The following LARP4B variants were observed in gnomAD, a reference collection of about 807,000 sequenced individuals.
The protein encoded by LARP4B is La ribonucleoprotein 4B.
In LARP4B, 12 loss-of-function variants were observed where a neutral mutation model predicts 89.8. The ratio of observed to expected loss-of-function variants is 0.13; its 90% confidence interval spans 0.09 to 0.22. The LOEUF (loss-of-function observed/expected upper bound fraction) is 0.22. Ranked by LOEUF, LARP4B falls within the 10% of genes least tolerant of loss-of-function variation. The pLI, the probability that LARP4B is intolerant of heterozygous loss-of-function variation, is 1.00. For synonymous variants in LARP4B, 367 were observed against 363.3 expected, an observed-to-expected ratio of 1.01 and a Z score of -0.12; for missense variants, 757 against 947.7, an observed-to-expected ratio of 0.80 and a Z score of 2.64.
the LARP4B span, chr10:986,296 C>A: frequency 6.6e-6 from 1 of 152,220 alleles, no homozygotes; most frequent in Admixed American, 6.5e-5. Context: ...CTTTCTGTCA[C>A]AAGGTACACA....
chr10:890,273 T>A (rs770474007), intron 1 of LARP4B, among the ~76,000 whole-genome samples: 25 of 152,150 alleles, frequency 1.6e-4, no homozygotes, highest in Non-Finnish European at 2.9e-4. Context: ...TCAAAGGCAA[T>A]CTCATCCAAT....
the LARP4B span, among the ~76,000 whole-genome samples, chr10:963,364 G>T: frequency 2.6e-5 from 4 of 152,136 alleles, no homozygotes; most frequent in African/African-American, 9.7e-5. Flanking sequence ...TATCCACCAC[G>T]CTGCTATTCC....
At chr10:851,791 GCAGTGGCT>G (rs1834063834) in intron 5 of LARP4B, among the ~76,000 whole-genome samples, 1 of 152,172 alleles carries the variant, frequency 6.6e-6, no homozygotes, top group Non-Finnish European at 1.5e-5. Context: ...CAGGTGGGAC[GCAGTGGCT>G]CATGCTTGTA....
chr10:812,535 G>A lies in LARP4B; in HGVS notation c.*391C>T, dbSNP rs1458011725. On this transcript the variant is annotated 3_prime_UTR_variant, in exon 18 of 18. Coordinates refer to ENST00000316157, the MANE Select transcript of LARP4B (RefSeq NM_015155.3). Reference sequence around the variant, plus strand: ...TCTAGAGATATGCACTTACAGACCAGTTACTTAAAAAAAAAAAAAAAAAGC... The same window carrying A: ...TCTAGAGATATGCACTTACAGACCAATTACTTAAAAAAAAAAAAAAAAAGC... The A allele has an allele frequency of 8.0e-6, 1 of 124,724 alleles. No homozygotes were observed. The highest frequency in any genetic ancestry group is 2.9e-5 in the African/African-American group (1 of 34,336). 7.7% of individuals were successfully genotyped at this position (124,724 alleles called of 1,614,324 possible).
intron 6 of LARP4B, among the ~76,000 whole-genome samples, chr10:844,269 T>C (rs987768852): frequency 2.6e-5 from 4 of 152,232 alleles, no homozygotes; most frequent in Admixed American, 6.5e-5. Context: ...CCTGCACCTT[T>C]TGCGTCTACC....
intron 13 of LARP4B, among the ~76,000 whole-genome samples, chr10:821,254 A>G (rs1435696916): frequency 6.6e-6 from 1 of 152,182 alleles, no homozygotes; most frequent in Non-Finnish European, 1.5e-5. Context: ...TTTGCTTTAC[A>G]TCAGATTTAA....
the LARP4B span, among the ~76,000 whole-genome samples, chr10:966,056 T>TTGTG: frequency 0.2 from 25,411 of 128,100 alleles, 2,195 homozygotes; most frequent in South Asian, 0.25. Flanking sequence ...TGTGTGGGTT[T>TTGTG]TGTGTGTGTG....
At chr10:962,577 G>A in the LARP4B span, among the ~76,000 whole-genome samples, 4 of 152,282 alleles carry the variant, frequency 2.6e-5, no homozygotes, top group African/African-American at 9.6e-5. Flanking sequence ...CTGTTAGCTT[G>A]GTGTGATACA....
At chr10:837,271 GATC>G (rs1314140095) in intron 7 of LARP4B, among the ~76,000 whole-genome samples, 3 of 152,142 alleles carry the variant, frequency 2.0e-5, no homozygotes, top group African/African-American at 7.2e-5. Context: ...TCTGACAAAA[GATC>G]ATCAAAGACT....
At chr10:890,121 G>GA (rs772021054) in intron 1 of LARP4B, among the ~76,000 whole-genome samples, 6 of 152,148 alleles carry the variant, frequency 3.9e-5, no homozygotes, top group Non-Finnish European at 7.4e-5. Flanking sequence ...CAGACTGTCA[G>GA]AAAAAATACC....
At chr10:956,592 G>A in the LARP4B span, among the ~76,000 whole-genome samples, 45 of 152,104 alleles carry the variant, frequency 3.0e-4, 1 homozygote, top group Middle Eastern at 0.01. This position sits in a 1 kb window ranked among gnomAD's most constrained non-coding sequence, Gnocchi z 4.3. Flanking sequence ...TGATCCGCCC[G>A]CCTCGGTATC....
the LARP4B span, among the ~76,000 whole-genome samples, chr10:973,590 G>A: frequency 1.3e-5 from 2 of 151,900 alleles, no homozygotes; most frequent in Non-Finnish European, 2.9e-5. Flanking sequence ...TGACCTCGTG[G>A]TCTCCCTGCC....
chr10:986,133 T>C, the LARP4B span: 4 of 152,080 alleles, frequency 2.6e-5, no homozygotes, highest in African/African-American at 9.7e-5. Context: ...CTTTCATCCA[T>C]CAGAATTACA....
the LARP4B span, among the ~76,000 whole-genome samples, chr10:937,104 G>A: frequency 4.6e-5 from 7 of 152,078 alleles, no homozygotes; most frequent in Non-Finnish European, 7.4e-5. Context: ...GTGCAGTGGC[G>A]CAATCCCAGC....
the LARP4B span, among the ~76,000 whole-genome samples, chr10:949,457 C>G: frequency 2.0e-5 from 3 of 151,498 alleles, no homozygotes; most frequent in African/African-American, 7.3e-5. Context: ...CATGAGTGAT[C>G]TCCAACCTGT....
the LARP4B span, among the ~76,000 whole-genome samples, chr10:945,530 CAA>C: frequency 4.0e-5 from 6 of 151,058 alleles, no homozygotes; most frequent in East Asian, 2.0e-4. Context: ...ACTAAAAATA[CAA>C]AAAAAATTAG....
At chr10:916,993 A>G (rs1836838751) in intron 1 of LARP4B, among the ~76,000 whole-genome samples, 1 of 152,110 alleles carries the variant, frequency 6.6e-6, no homozygotes, top group Admixed American at 6.5e-5. Flanking sequence ...CCACTGCGCC[A>G]GGTGGTAAGT....
In LARP4B at chr10:883,189, C is replaced by T. The variant is rs115359943; in HGVS notation, c.141+1258G>A. Among the ~76,000 whole-genome samples the T allele has an allele frequency of 6.0e-3, 914 of 152,268 alleles. 9 individuals are homozygous for T. The highest frequency in any genetic ancestry group is 0.021 in the African/African-American group (890 of 41,558). The stretch of plus-strand genomic sequence containing the variant: ...CTTATATAATTTTCTTCTTAGACTA[C>T]CAAGCGTCTTATATTTGGATATTTT... On this transcript the variant is annotated intron_variant, in intron 3 of 17. Transcript: ENST00000316157.
chr10:845,525 T>C (rs1001441618), intron 5 of LARP4B, among the ~76,000 whole-genome samples: 1 of 152,238 alleles, frequency 6.6e-6, no homozygotes, highest in Non-Finnish European at 1.5e-5. Flanking sequence ...GGCTTCAATT[T>C]GCCTTCCAAC....
Sources: gnomAD v4.1 joint callset for allele counts (sites outside exome capture counted in the v4.1 genomes callset) on GRCh38, gnomAD v4.1.1 for gene constraint, Gnocchi (gnomAD v3.1) non-coding constraint, MANE v1.5 for transcripts, NCBI Gene and HGNC (gene_info 2026-07-23, HGNC 2026-07-21) for gene names.